ZBTB8B: variants seen among roughly 807,000 people sequenced by gnomAD.
ZBTB8B encodes the protein zinc finger and BTB domain containing 8B.
A neutral mutation model predicts 30.3 loss-of-function variants in ZBTB8B; 17 were observed. The ratio of observed to expected loss-of-function variants is 0.56; its 90% CI spans 0.38 to 0.84. ZBTB8B has a LOEUF of 0.84. Ranked by LOEUF, ZBTB8B falls within the 40% of genes least tolerant of loss-of-function variation. ZBTB8B has a pLI of 0.00. For missense variants in ZBTB8B, 515 were observed against 644.9 expected (o/e 0.80, Z 2.18); for synonymous variants, 248 against 255.6 (o/e 0.97, Z 0.28).
intron 2 of ZBTB8B, among the ~76,000 whole-genome samples, chr1:32,473,914 G>A (rs1236172674): frequency 2.6e-5 from 4 of 151,846 alleles, no homozygotes; most frequent in Admixed American, 1.3e-4. Context: ...GCAGTGGTGC[G>A]ATCTCAGCTC....
At chr1:32,483,676 C>A (rs571116961) in intron 3 of ZBTB8B, among the ~76,000 whole-genome samples, 1 of 151,740 alleles carries the variant, frequency 6.6e-6, no homozygotes, top group South Asian at 2.1e-4. Flanking sequence ...CACATGTACC[C>A]TAGAACTTAA....
rs769331886 is a variant in ZBTB8B at position 32,485,095 on chromosome 1, T to C, written c.1171-6T>C. On this transcript the variant is annotated splice_region_variant and splice_polypyrimidine_tract_variant and intron_variant, in intron 3 of 3. Coordinates refer to ENST00000609129, the MANE Select transcript of ZBTB8B (RefSeq NM_001145720.2). ...TGACATCTACTGTGTCTGCTTGTGATTACAGGTCCACAGATCCAACCGTCC... is the reference window on the plus strand; with the variant it reads ...TGACATCTACTGTGTCTGCTTGTGACTACAGGTCCACAGATCCAACCGTCC... 3.2e-6 allele frequency: 5 copies of C among 1,550,756 alleles called. No individual in the cohort carries two copies. Among genetic ancestry groups the C allele is most frequent in the Non-Finnish European group, 4.4e-6 (5 of 1,145,980 alleles).
rs1261639964 is a variant in ZBTB8B, at chr1:32,480,905, G to T, written c.1006G>T (p.Val336Phe). 8 of 1,551,410 alleles carry T rather than the reference G, an allele frequency of 5.2e-6. No homozygotes were observed. Among genetic ancestry groups the T allele is most frequent in the South Asian group, 2.4e-5 (2 of 83,888 alleles). The part of the protein sequence containing the change: ...YGEDSGDVLV[V>F]PIKLHKCPFC... ...TGGTTCCCCAGGTGATGTGCTGGTG[G>T]TCCCCATCAAGCTCCACAAGTGTCC... The change falls in exon 3 of 4, where the codon GTC (valine) becomes TTC (phenylalanine). Residue 336 changes from valine (V) to phenylalanine (F), a missense_variant. Physicochemically the swap from Val to Phe is conservative, Grantham distance 50 (BLOSUM62 -1). Around this residue, in one of 3 missense-constraint regions of ZBTB8B, gnomAD observed 429 missense variants for 504.3 expected, o/e 0.85. Coordinates refer to ENST00000609129, the MANE Select transcript of ZBTB8B (RefSeq NM_001145720.2).
At position 32,466,373 on chromosome 1, in the gene ZBTB8B, A is replaced by G. The variant is rs192919481; in HGVS notation, c.-42+1268A>G. On this transcript the variant is annotated intron_variant, in intron 1 of 3. Coordinates refer to ENST00000609129, the MANE Select transcript of ZBTB8B (RefSeq NM_001145720.2). ...CTATTCCTGGCATCTTCCTTGTGTC[A>G]GGCATTGTATGTAGCCGGTAACCGT... Among the ~76,000 whole-genome samples the G allele has an allele frequency of 7.8e-4, 119 of 152,288 alleles. 2 individuals are homozygous for G. Among genetic ancestry groups the G allele is most frequent in the Admixed American group, 6.1e-3 (93 of 15,296 alleles).
intron 1 of ZBTB8B, among the ~76,000 whole-genome samples, chr1:32,470,355 C>T (rs1643605941): frequency 6.6e-6 from 1 of 151,694 alleles, no homozygotes; most frequent in Admixed American, 6.6e-5. Flanking sequence ...AAAAAATTTG[C>T]CGGGCGTGGT....
At chr1:32,483,456 A>T (rs1466870396) in intron 3 of ZBTB8B, among the ~76,000 whole-genome samples, 1 of 151,464 alleles carries the variant, frequency 6.6e-6, no homozygotes, top group East Asian at 2.0e-4. Context: ...ACAACAAAAA[A>T]ACATAGTTCC....
At position 32,488,425 on chromosome 1, in the gene ZBTB8B, C is replaced by T. The variant is rs1230151100; in HGVS notation, c.*3007C>T. On this transcript the variant is annotated 3_prime_UTR_variant, in exon 4 of 4. Transcript: ENST00000609129. ...AGTTCAGCCTCTTTGCCTGCTTTCT[C>T]CAGTGGAGCTATGATCCTCTTCAGT... is the stretch of plus-strand genomic sequence containing the variant. The T allele has an allele frequency of 6.6e-6, 1 of 152,188 alleles. No individual in the cohort carries two copies. Among genetic ancestry groups the T allele is most frequent in the Non-Finnish European group, 1.5e-5 (1 of 68,042 alleles). The allele number at this position is 152,188 out of a possible 1,614,324, so 9.4% of individuals were successfully genotyped here. A position where few individuals can be genotyped will look rare whatever the true frequency, so the allele number is the denominator to read the frequency against.
intron 2 of ZBTB8B, among the ~76,000 whole-genome samples, chr1:32,480,244 C>T (rs1044822290): frequency 6.7e-6 from 1 of 149,958 alleles, no homozygotes; most frequent in African/African-American, 2.5e-5. Context: ...ACTGTGTCCT[C>T]ACATAGCCTT....
In ZBTB8B at chr1:32,481,424, C is replaced by T. The variant is rs144685115; in HGVS notation, c.1170+355C>T. ...TGATACCAAAGGTAAGCTGCATCCT[C>T]AGTTTCCCACCGAGCCCCAGCACCT... On this transcript the variant is annotated intron_variant, in intron 3 of 3. Transcript: ENST00000609129. 1.8e-4 allele frequency among the ~76,000 whole-genome samples: 27 copies of T among 152,084 alleles called. No homozygotes were observed. The East Asian group carries it at 3.9e-3, about 22-fold the overall frequency.
At chr1:32,469,403 C>T (rs1030503395) in intron 1 of ZBTB8B, among the ~76,000 whole-genome samples, 1 of 151,834 alleles carries the variant, frequency 6.6e-6, no homozygotes, top group African/African-American at 2.4e-5. Flanking sequence ...CGCCACCACG[C>T]CTGGCTAATT....
In ZBTB8B at chr1:32,484,220, A is replaced by C. The variant is rs1643727705; in HGVS notation, c.1171-881A>C. On this transcript the variant is annotated intron_variant, in intron 3 of 3. Transcript: ENST00000609129. This position sits in a 1 kb window ranked among gnomAD's most constrained non-coding sequence, Gnocchi z 4.5. ...AAGACCCTGTCTCTGGAAAAAAAAA[A>C]AAAAAATCCCAATCAGTTCACTTTC... 6.6e-6 allele frequency among the ~76,000 whole-genome samples: 1 copy of C among 152,022 alleles called. No individual in the cohort carries two copies. Among genetic ancestry groups the C allele is most frequent in the Admixed American group, 6.6e-5 (1 of 15,238 alleles).
At chr1:32,481,665 G>A (rs560249770) in intron 3 of ZBTB8B, among the ~76,000 whole-genome samples, 59 of 152,248 alleles carry the variant, frequency 3.9e-4, no homozygotes, top group South Asian at 2.9e-3. Flanking sequence ...AGGGGTAAAC[G>A]AGAAGGTTTG....
chr1:32,485,458 A>G lies in ZBTB8B; in HGVS notation c.*40A>G. ...GGAAGAGGAGGTTTTAAAACTTGTT[A>G]GTGCTCGTTCTGTTGTTGAAAGATA... On this transcript the variant is annotated 3_prime_UTR_variant, in exon 4 of 4. Coordinates refer to ENST00000609129, the MANE Select transcript of ZBTB8B (RefSeq NM_001145720.2). The G allele has an allele frequency of 6.6e-7, 1 of 1,526,602 alleles. No individual in the cohort carries two copies. The highest frequency in any genetic ancestry group is 2.5e-5 in the East Asian group (1 of 40,580). The allele number at this position is 1,526,602 out of a possible 1,614,324, so 94.6% of individuals were successfully genotyped here.
chr1:32,471,091 T>C lies in ZBTB8B; in HGVS notation c.467T>C (p.Val156Ala), dbSNP rs1204861999. Residue 156 changes from valine to alanine, a missense_variant, in exon 2 of 4, where the codon GTT becomes GCT. Coordinates refer to ENST00000609129, the MANE Select transcript of ZBTB8B (RefSeq NM_001145720.2). ...AAAAAAAAHQ[V>A]DSESPSSGRE... ...GCGGCAGCAGCGGCGGCTCATCAGG[T>C]TGACAGTGAAAGCCCCAGTTCAGGC... 6.4e-7 allele frequency: 1 copy of C among 1,550,412 alleles called. No homozygotes were observed. Among genetic ancestry groups the C allele is most frequent in the Non-Finnish European group, 8.7e-7 (1 of 1,146,662 alleles).
rs541160413 is a variant in ZBTB8B, at chr1:32,469,246, A to ATTTTTTTTTTTTT, written c.-41-1333_-41-1321dup. ...TTGATACACTAAACACTCAAGTATA[A>ATTTTTTTTTTTTT]TTTTTTTTTTTTTTTTTGAGACAGA... On this transcript the variant is annotated intron_variant, in intron 1 of 3. Coordinates refer to ENST00000609129, the MANE Select transcript of ZBTB8B (RefSeq NM_001145720.2). 8.3e-4 allele frequency among the ~76,000 whole-genome samples: 97 copies of ATTTTTTTTTTTTT among 117,342 alleles called. 5 individuals carry two copies. The highest frequency in any genetic ancestry group is 3.2e-3 in the African/African-American group (91 of 28,092). 77.0% of individuals were successfully genotyped at this position (117,342 alleles called of 152,430 possible).
rs1643580796 is a variant in ZBTB8B, at chr1:32,467,521, T to C, written c.-42+2416T>C. 2.6e-5 allele frequency among the ~76,000 whole-genome samples: 4 copies of C among 152,262 alleles called. No individual in the cohort carries two copies. The South Asian group carries it at 8.3e-4, about 32-fold the overall frequency. On this transcript the variant is annotated intron_variant, in intron 1 of 3. Coordinates refer to ENST00000609129, the MANE Select transcript of ZBTB8B (RefSeq NM_001145720.2). ...TACCCACCTTGGCCTCCCAAAGTGC[T>C]GGGATTACAAGTGTGAGCCACCACA...
chr1:32,476,065 G>T (rs556587403), intron 2 of ZBTB8B, among the ~76,000 whole-genome samples: 1 of 152,048 alleles, frequency 6.6e-6, no homozygotes, highest in Non-Finnish European at 1.5e-5. Flanking sequence ...TGATCCACCC[G>T]CCTCAGCCTC....
In ZBTB8B at chr1:32,490,433, C is replaced by T. The variant is rs776177594; in HGVS notation, c.*5015C>T. ...TGCTTTTGTAGTTCTCTCCACTCAACAGTACTGTGTTCCACAAACCTTTCA... is the reference window on the plus strand; with the variant it reads ...TGCTTTTGTAGTTCTCTCCACTCAATAGTACTGTGTTCCACAAACCTTTCA... On this transcript the variant is annotated 3_prime_UTR_variant, in exon 4 of 4. Transcript: ENST00000609129. 5.3e-5 allele frequency: 8 copies of T among 152,214 alleles called. No individual in the cohort carries two copies. The highest frequency in any genetic ancestry group is 7.3e-5 in the Non-Finnish European group (5 of 68,048). 9.4% of individuals were successfully genotyped at this position (152,214 alleles called of 1,614,324 possible). A position where few individuals can be genotyped will look rare whatever the true frequency, so the allele number is the denominator to read the frequency against.
chr1:32,467,755 C>A (rs959082851), intron 1 of ZBTB8B, among the ~76,000 whole-genome samples: 4 of 152,020 alleles, frequency 2.6e-5, no homozygotes, highest in Non-Finnish European at 5.9e-5. Context: ...AAATAATAAA[C>A]AGGAGTTAAC....
Sources: gnomAD v4.1 joint callset for allele counts (sites outside exome capture counted in the v4.1 genomes callset) on GRCh38, gnomAD v4.1.1 for gene constraint, gnomAD v4.1.1 regional missense constraint, Gnocchi (gnomAD v3.1) non-coding constraint, MANE v1.5 for transcripts, NCBI Gene and HGNC (gene_info 2026-07-23, HGNC 2026-07-21) for gene names.